The following LRBA variants were observed in gnomAD, a reference collection of about 807,000 sequenced individuals.
LRBA encodes the protein LPS responsive beige-like anchor protein.
LRBA carries 176 observed loss-of-function variants against 330.0 expected under a neutral mutation model. The observed-to-expected ratio is 0.53, with a 90% confidence interval of 0.47 to 0.60. The LOEUF (loss-of-function observed/expected upper bound fraction) is 0.60, where lower values mean the gene tolerates loss of function less well. Ranked by LOEUF, LRBA falls within the 20% of genes least tolerant of loss-of-function variation. LRBA has a pLI of 0.00. For synonymous variants in LRBA, 1,230 were observed against 1,193.0 expected (o/e 1.03, Z -0.64); for missense variants, 3,259 against 3,444.8 (o/e 0.95, Z 1.35).
At chr4:150,429,973 G>A (rs990623761) in intron 46 of LRBA, among the ~76,000 whole-genome samples, 1 of 151,916 alleles carries the variant, frequency 6.6e-6, no homozygotes, top group Admixed American at 6.6e-5. Flanking sequence ...GTGTTTTGGG[G>A]GATTTTAATT....
intron 2 of LRBA, among the ~76,000 whole-genome samples, chr4:150,962,439 G>A (rs1148636): frequency 0.12 from 17,185 of 148,934 alleles, 2,502 homozygotes; most frequent in South Asian, 0.26. Flanking sequence ...GATCACTTGA[G>A]CCCGGGAAGT....
chr4:150,644,434 G>A (rs892739498), intron 37 of LRBA, among the ~76,000 whole-genome samples: 1 of 151,904 alleles, frequency 6.6e-6, no homozygotes, highest in Admixed American at 6.6e-5. Context: ...TTTACAGATG[G>A]TAAGTTAATT....
At chr4:150,708,788 A>G (rs1456916759) in intron 36 of LRBA, among the ~76,000 whole-genome samples, 2 of 151,880 alleles carry the variant, frequency 1.3e-5, no homozygotes, top group African/African-American at 4.8e-5. Context: ...AAGAATTAAA[A>G]AGGCTATATA....
intron 37 of LRBA, among the ~76,000 whole-genome samples, chr4:150,645,994 T>C (rs1779102667): frequency 6.7e-6 from 1 of 150,366 alleles, no homozygotes; most frequent in South Asian, 2.1e-4. Context: ...ATATTAAAAT[T>C]TGCTTTCTGT....
Position 150,900,060 on chromosome 4 carries a change from G to A in LRBA, c.1913C>T (p.Pro638Leu). 14 of 1,610,518 alleles carry A rather than the reference G, an allele frequency of 8.7e-6. No homozygotes were observed. The highest frequency in any genetic ancestry group is 1.2e-5 in the Non-Finnish European group (14 of 1,177,708). The change falls in exon 14 of 57, where the codon CCA becomes CTA. Residue 638 changes from proline (P) to leucine (L), a missense_variant. Pro to Leu is a moderately conservative substitution (Grantham distance 98). Coordinates refer to ENST00000651943, the MANE Select transcript of LRBA (RefSeq NM_001364905.1). ...CAGAAATTATATACCTAATCCTTTT[G>A]GGGTGATACCACTTCGATCCTGAGG... ...VNPQDRSGIT[P>L]KGLDGPRPNQ... is the part of the protein sequence containing the mutation.
chr4:150,696,421 C>G (rs1784621640), intron 36 of LRBA, among the ~76,000 whole-genome samples: 1 of 152,066 alleles, frequency 6.6e-6, no homozygotes. Flanking sequence ...AAACCCTGTG[C>G]CTCGGTTTCC....
intron 22 of LRBA, among the ~76,000 whole-genome samples, chr4:150,863,459 C>T (rs891629849): frequency 6.6e-5 from 10 of 152,002 alleles, no homozygotes; most frequent in Non-Finnish European, 1.3e-4. Context: ...GTCAGGAGTT[C>T]GAGACCAGCC....
chr4:150,370,796 A>G (rs991972058), intron 47 of LRBA, among the ~76,000 whole-genome samples: 1 of 152,230 alleles, frequency 6.6e-6, no homozygotes, highest in Non-Finnish European at 1.5e-5. Context: ...AACTCTCTAA[A>G]GGTTCTGCTC....
intron 40 of LRBA, among the ~76,000 whole-genome samples, chr4:150,519,850 G>T (rs558408504): frequency 2.6e-5 from 4 of 152,222 alleles, no homozygotes; most frequent in African/African-American, 9.6e-5. Context: ...ACACATCCTA[G>T]CTAACATTTG....
chr4:150,802,139 G>A (rs1741730737), intron 33 of LRBA, among the ~76,000 whole-genome samples: 2 of 150,264 alleles, frequency 1.3e-5, no homozygotes, highest in South Asian at 4.2e-4. Flanking sequence ...AGGATCAACT[G>A]AGCCCAGGAA....
intron 47 of LRBA, among the ~76,000 whole-genome samples, chr4:150,402,331 T>C (rs1029630287): frequency 3.3e-5 from 5 of 151,834 alleles, no homozygotes; most frequent in Admixed American, 1.3e-4. Context: ...ACATTTTATT[T>C]TTAGTATGGC....
At chr4:150,268,973 G>C (rs892026868) in intron 56 of LRBA, among the ~76,000 whole-genome samples, 1 of 142,724 alleles carries the variant, frequency 7.0e-6, no homozygotes, top group African/African-American at 2.6e-5. Flanking sequence ...GATCTTGTAT[G>C]TAGGAAATCC....
At chr4:150,878,473 G>T (rs921891554) in intron 17 of LRBA, among the ~76,000 whole-genome samples, 2 of 151,170 alleles carry the variant, frequency 1.3e-5, no homozygotes, top group African/African-American at 4.9e-5. Context: ...GCTACCAGAA[G>T]AAAATAAAAA....
At chr4:150,443,847 T>TTAAAAAAAA (rs1554027866) in intron 44 of LRBA, among the ~76,000 whole-genome samples, 3 of 53,714 alleles carry the variant, frequency 5.6e-5, no homozygotes, top group African/African-American at 1.7e-4. Context: ...AAAGTATAAT[T>TTAAAAAAAA]AAAAAAATAT....
At chr4:150,924,987 T>C (rs1733730328) in intron 4 of LRBA, among the ~76,000 whole-genome samples, 1 of 151,890 alleles carries the variant, frequency 6.6e-6, no homozygotes, top group Non-Finnish European at 1.5e-5. Context: ...TTGGACAACA[T>C]GGCAAAACCC....
intron 33 of LRBA, among the ~76,000 whole-genome samples, chr4:150,803,300 C>T (rs930246270): frequency 6.6e-6 from 1 of 151,410 alleles, no homozygotes; most frequent in African/African-American, 2.4e-5. Flanking sequence ...GACATGACAT[C>T]TAAGATAGTT....
At chr4:150,818,910 A>T (rs1284760613) in intron 30 of LRBA, among the ~76,000 whole-genome samples, 2 of 152,084 alleles carry the variant, frequency 1.3e-5, no homozygotes, top group Admixed American at 6.6e-5. Context: ...TTCCACTTCT[A>T]GGAATTTCCT....
chr4:150,898,434 C>G (rs912129579), intron 14 of LRBA, among the ~76,000 whole-genome samples: 3 of 152,000 alleles, frequency 2.0e-5, no homozygotes, highest in African/African-American at 7.2e-5. Context: ...ACATATAATT[C>G]CCAAGTAGAA....
At chr4:150,742,625 C>CTT (rs1441009850) in intron 35 of LRBA, among the ~76,000 whole-genome samples, 1 of 152,096 alleles carries the variant, frequency 6.6e-6, no homozygotes, top group East Asian at 1.9e-4. Flanking sequence ...AGGCCAGGTA[C>CTT]AGTGGCTCAT....
Sources: allele counts gnomAD v4.1 joint callset (sites outside exome capture counted in the v4.1 genomes callset), GRCh38; gene constraint gnomAD v4.1.1; transcripts MANE v1.5; gene names NCBI Gene and HGNC (gene_info 2026-07-23, HGNC 2026-07-21).